Variants in SLC1A2 observed in about 807,000 individuals in gnomAD.
SLC1A2 encodes excitatory amino acid transporter 2.
Under a neutral mutation model 48.8 loss-of-function variants are expected in SLC1A2, and 15 were observed. The observed-to-expected ratio is 0.31, with a 90% CI of 0.21 to 0.47. SLC1A2 has a LOEUF of 0.47. Ranked by LOEUF, SLC1A2 falls within the 20% of genes least tolerant of loss-of-function variation. The pLI is 0.99. For missense variants in SLC1A2, 502 were observed against 730.5 expected (o/e 0.69, Z 3.61); for synonymous variants, 279 against 272.6 (o/e 1.02, Z -0.23).
intron 1 of SLC1A2, among the ~76,000 whole-genome samples, chr11:35,386,804 A>G (rs1482539727): frequency 6.6e-6 from 1 of 152,202 alleles, no homozygotes; most frequent in Non-Finnish European, 1.5e-5. Context: ...TTTTACAAAC[A>G]TGGAAACTGG....
chr11:35,324,867 A>T (rs988553871), intron 1 of SLC1A2, among the ~76,000 whole-genome samples: 40 of 152,176 alleles, frequency 2.6e-4, no homozygotes, highest in African/African-American at 8.4e-4. Context: ...CCAAACAGAA[A>T]TAAGACACCA....
intron 9 of SLC1A2, among the ~76,000 whole-genome samples, chr11:35,274,103 AT>A (rs970911910): frequency 2.4e-4 from 37 of 152,226 alleles, no homozygotes; most frequent in Non-Finnish European, 4.4e-5. Flanking sequence ...TTACATTTTT[AT>A]TTTATGTCTG....
rs143643963 is a variant in SLC1A2 at position 35,280,663 on chromosome 11, T to C, written c.1421+204A>G. 553 of 518,162 alleles carry C rather than the reference T, an allele frequency of 1.1e-3. 3 individuals are homozygous for C. The highest frequency in any genetic ancestry group is 9.7e-3 in the African/African-American group (496 of 51,394). 32.1% of individuals were successfully genotyped at this position (518,162 alleles called of 1,614,324 possible). A position where few individuals can be genotyped will look rare whatever the true frequency, so the allele number is the denominator to read the frequency against. On this transcript the variant is annotated intron_variant, in intron 9 of 10. Transcript: ENST00000278379. ...GTCATAATCTCTCTGATTCCTCCAC[T>C]AGACTGTGACGCCTTCAAATATTTC... is the stretch of plus-strand genomic sequence containing the variant.
intron 1 of SLC1A2, chr11:35,323,064 G>A (rs1490156600): frequency 5.2e-6 from 2 of 386,364 alleles, no homozygotes; most frequent in Admixed American, 4.3e-5. Flanking sequence ...AGCCTCCAAA[G>A]TCTCCTTCAG....
chr11:35,322,709 T>G (rs995986985), intron 1 of SLC1A2: 2 of 1,219,368 alleles, frequency 1.6e-6, no homozygotes, highest in East Asian at 5.1e-5. Flanking sequence ...CAGTGCTCAC[T>G]GCAGGTCCTC....
At chr11:35,356,945 A>C (rs1314651206) in intron 1 of SLC1A2, among the ~76,000 whole-genome samples, 1 of 152,212 alleles carries the variant, frequency 6.6e-6, no homozygotes, top group African/African-American at 2.4e-5. Flanking sequence ...TATTATAAAA[A>C]AGTAAGATCT....
In SLC1A2 at chr11:35,256,174, A is replaced by C. The variant is rs1950312362; in HGVS notation, c.*4720T>G. ...GCTAAAAATGGGCAGAGTCTAAATCAAATGTTCCCTCTACCAAACCATGTT... is the reference window on the plus strand; with the variant it reads ...GCTAAAAATGGGCAGAGTCTAAATCCAATGTTCCCTCTACCAAACCATGTT... On this transcript the variant is annotated 3_prime_UTR_variant, in exon 11 of 11. Transcript: ENST00000278379. The C allele has an allele frequency of 6.6e-6, 1 of 152,224 alleles. No individual in the cohort carries two copies. The highest frequency in any genetic ancestry group is 1.5e-5 in the Non-Finnish European group (1 of 68,042). 9.4% of individuals were successfully genotyped at this position (152,224 alleles called of 1,614,324 possible). A position where few individuals can be genotyped will look rare whatever the true frequency, so the allele number is the denominator to read the frequency against.
intron 10 of SLC1A2, 101 bp downstream of exon 10, chr11:35,265,426 T>C: frequency 1.5e-6 from 1 of 681,330 alleles, no homozygotes; most frequent in Non-Finnish European, 2.6e-6. Context: ...AAAATAAATG[T>C]GACAATAATA....
At chr11:35,351,735 A>C (rs1051965186) in intron 1 of SLC1A2, among the ~76,000 whole-genome samples, 13 of 152,146 alleles carry the variant, frequency 8.5e-5, no homozygotes, top group African/African-American at 3.1e-4. Context: ...TCCCAGGCTC[A>C]AGCGATTCTC....
intron 1 of SLC1A2, among the ~76,000 whole-genome samples, chr11:35,357,693 G>A (rs1005444137): frequency 2.0e-5 from 3 of 152,112 alleles, no homozygotes; most frequent in Admixed American, 2.0e-4. Flanking sequence ...ATTCTCATAT[G>A]GCAACCTACT....
intron 1 of SLC1A2, among the ~76,000 whole-genome samples, chr11:35,342,519 T>TG (rs1852874121): frequency 1.1e-5 from 1 of 94,040 alleles, no homozygotes; most frequent in African/African-American, 3.7e-5. Flanking sequence ...ATGAGTGTTT[T>TG]TTTTGTTGTT....
chr11:35,358,643 AT>A (rs897721331), intron 1 of SLC1A2, among the ~76,000 whole-genome samples: 1 of 152,016 alleles, frequency 6.6e-6, no homozygotes, highest in Admixed American at 6.6e-5. Flanking sequence ...TCTTTATTTT[AT>A]TTTTTTATCA....
rs142563782 is a variant in SLC1A2, at chr11:35,306,102, C to T, written c.702G>A (p.Leu234=). The part of the protein sequence containing the change: ...EETKMVIKKG[L]EFKDGMNVLG... ...AGACGTTCATCCCATCCTTGAACTC[C>T]AGGCCCTTCTTGATAACCATCTTAG... Residue 234 remains leucine (L), a synonymous_variant, in exon 5 of 11, where the codon CTG becomes CTA. Transcript: ENST00000278379. 1.7e-3 allele frequency: 2,755 copies of T among 1,613,978 alleles called. 47 individuals carry two copies. In the African/African-American group the frequency reaches 0.032, roughly 19 times the overall value.
At chr11:35,287,762 A>G (rs750322448) in intron 7 of SLC1A2, among the ~76,000 whole-genome samples, 17 of 152,232 alleles carry the variant, frequency 1.1e-4, no homozygotes, top group Non-Finnish European at 2.2e-4. Flanking sequence ...ACCAATAAAC[A>G]GTAAGGGTTG....
chr11:35,316,446 A>G (rs1479108297), intron 2 of SLC1A2: 1 of 152,248 alleles, frequency 6.6e-6, no homozygotes, highest in African/African-American at 2.4e-5. Context: ...ATGTGGTTAC[A>G]TGGCGGGTAA....
intron 1 of SLC1A2, among the ~76,000 whole-genome samples, chr11:35,320,308 T>C (rs991075363): frequency 6.6e-6 from 1 of 152,188 alleles, no homozygotes; most frequent in African/African-American, 2.4e-5. Context: ...CAGTAATGGG[T>C]ATGGTACAAT....
chr11:35,306,039 A>C, intron 5 of SLC1A2, 35 bp downstream of exon 5: 1 of 1,600,488 alleles, frequency 6.2e-7, no homozygotes, highest in Non-Finnish European at 8.6e-7. Flanking sequence ...AGCCATTGCC[A>C]GGGAAGCAGA....
intron 1 of SLC1A2, among the ~76,000 whole-genome samples, chr11:35,331,912 T>C (rs1391347698): frequency 6.6e-6 from 1 of 152,180 alleles, no homozygotes; most frequent in Non-Finnish European, 1.5e-5. Flanking sequence ...CATCTATCCC[T>C]GGGCCCTGTC....
chr11:35,322,100 A>G (rs1367279254), intron 1 of SLC1A2, among the ~76,000 whole-genome samples: 2 of 152,070 alleles, frequency 1.3e-5, no homozygotes, highest in Non-Finnish European at 2.9e-5. Flanking sequence ...ATAATTAAAA[A>G]CTTTTAACAA....
Sources: allele counts gnomAD v4.1 joint callset (sites outside exome capture counted in the v4.1 genomes callset), GRCh38; gene constraint gnomAD v4.1.1; transcripts MANE v1.5; gene names NCBI Gene and HGNC (gene_info 2026-07-23, HGNC 2026-07-21).